Variants in CEP97 observed in about 807,000 individuals in gnomAD.
The protein encoded by CEP97 is centrosomal protein of 97 kDa.
CEP97 carries 43 observed loss-of-function variants against 73.1 expected under a neutral mutation model. The observed-to-expected ratio is 0.59, with a 90% CI of 0.46 to 0.76. The LOEUF is 0.76. CEP97 is among the 30% of genes least tolerant of loss of function. The probability of loss-of-function intolerance (pLI) is 0.00; values close to 1 mark genes in which losing one functional copy is unlikely to be tolerated. For synonymous variants in CEP97, 337 were observed against 370.0 expected (o/e 0.91, Z 1.02); for missense variants, 939 against 1,014.0 (o/e 0.93, Z 1.00).
chr3:101,755,298 GA>G lies in CEP97; in HGVS notation c.729-131del, dbSNP rs762835902. On this transcript the variant is annotated intron_variant, in intron 6 of 10. Transcript: ENST00000341893. The stretch of plus-strand genomic sequence containing the variant: ...GAATGATAGATTTTTTAAAAAAATT[GA>G]GTGAATTTTATTTATGAAAAACATA... The G allele has an allele frequency of 4.6e-5, 35 of 759,070 alleles. No individual in the cohort carries two copies. In the South Asian group the frequency reaches 6.6e-4, roughly 14 times the overall value. The allele number at this position is 759,070 out of a possible 1,614,324, so 47.0% of individuals were successfully genotyped here.
Position 101,765,370 on chromosome 3 carries a change from C to T in CEP97, c.2417C>T (p.Pro806Leu). 1 of 1,614,162 alleles carries T rather than the reference C, an allele frequency of 6.2e-7. No individual in the cohort carries two copies. Residue 806 changes from proline to leucine, a missense_variant, in exon 11 of 11, where the codon CCA (proline) becomes CTA (leucine). Transcript: ENST00000341893. ...RDSKLHIACF[P>L]VQLDTLSDGA... ...AGCAAACTTCACATTGCTTGTTTCC[C>T]AGTACAGTTAGATACATTGTCTGAC...
At chr3:101,754,532 A>G (rs1203245875) in intron 6 of CEP97, among the ~76,000 whole-genome samples, 1 of 152,130 alleles carries the variant, frequency 6.6e-6, no homozygotes, top group African/African-American at 2.4e-5. Flanking sequence ...TTATTATGGC[A>G]TACTCTGTAG....
At position 101,768,665 on chromosome 3, in the gene CEP97, CCT is replaced by C. The variant is rs1939377898; in HGVS notation, c.*3119_*3120del. 2 of 152,110 alleles carry C rather than the reference CCT, an allele frequency of 1.3e-5. No individual in the cohort carries two copies. Among genetic ancestry groups the C allele is most frequent in the East Asian group, 1.9e-4 (1 of 5,192 alleles). 9.4% of individuals were successfully genotyped at this position (152,110 alleles called of 1,614,324 possible). A position where few individuals can be genotyped will look rare whatever the true frequency, so the allele number is the denominator to read the frequency against. On this transcript the variant is annotated 3_prime_UTR_variant, in exon 11 of 11. Transcript: ENST00000341893. ...AGCCTGGACAACATAGCAAGACCCCCCTCTCTACAAAAAAAATTTTTTTCTGA... is the reference window on the plus strand; with the variant it reads ...AGCCTGGACAACATAGCAAGACCCCCCTCTACAAAAAAAATTTTTTTCTGA...
At position 101,744,301 on chromosome 3, in the gene CEP97, A is replaced by T. The variant is rs61356619; in HGVS notation, c.729-11129A>T. On this transcript the variant is annotated intron_variant, in intron 6 of 10. Coordinates refer to ENST00000341893, the MANE Select transcript of CEP97 (RefSeq NM_024548.4). ...GAGTTCTCAAAAAAAGAAAAAAAAAAGGGTCAGCACATTGGTTCATGCCTG... is the reference window on the plus strand; with the variant it reads ...GAGTTCTCAAAAAAAGAAAAAAAAATGGGTCAGCACATTGGTTCATGCCTG... 3.2e-3 allele frequency among the ~76,000 whole-genome samples: 491 copies of T among 152,054 alleles called. 2 individuals carry two copies. The highest frequency in any genetic ancestry group is 0.011 in the African/African-American group (456 of 41,474).
At chr3:101,749,141 C>T (rs1938720291) in intron 6 of CEP97, among the ~76,000 whole-genome samples, 1 of 105,378 alleles carries the variant, frequency 9.5e-6, no homozygotes, top group Non-Finnish European at 1.9e-5. Flanking sequence ...CTATCCCTCC[C>T]CCCTCCCCCC....
chr3:101,743,388 T>C (rs185062139), intron 6 of CEP97, among the ~76,000 whole-genome samples: 1 of 152,096 alleles, frequency 6.6e-6, no homozygotes, highest in East Asian at 1.9e-4. Flanking sequence ...CAGTTTCTCC[T>C]AGAAAAAATA....
intron 6 of CEP97, among the ~76,000 whole-genome samples, chr3:101,741,861 G>A (rs531517928): frequency 4.6e-5 from 7 of 152,126 alleles, no homozygotes; most frequent in Admixed American, 1.3e-4. Flanking sequence ...CCAACATGGT[G>A]AAACCCCATC....
chr3:101,743,343 A>AT (rs200525264), intron 6 of CEP97, among the ~76,000 whole-genome samples: 42 of 150,056 alleles, frequency 2.8e-4, no homozygotes, highest in South Asian at 2.1e-4. Flanking sequence ...TAATTTAGAA[A>AT]TTTTTTTTTT....
chr3:101,750,273 T>G (rs1324413429), intron 6 of CEP97, among the ~76,000 whole-genome samples: 1 of 148,764 alleles, frequency 6.7e-6, no homozygotes, highest in African/African-American at 2.5e-5. Flanking sequence ...ATTGCTTGTT[T>G]TTCTCAGGTT....
In CEP97 at chr3:101,768,120, T is replaced by C. The variant is rs1420093653; in HGVS notation, c.*2569T>C. 6.6e-6 allele frequency: 1 copy of C among 152,172 alleles called. No homozygotes were observed. The highest frequency in any genetic ancestry group is 2.4e-5 in the African/African-American group (1 of 41,440). The allele number at this position is 152,172 out of a possible 1,614,324, so 9.4% of individuals were successfully genotyped here. A position where few individuals can be genotyped will look rare whatever the true frequency, so the allele number is the denominator to read the frequency against. ...CTCTTGATTTATGGAAGATTCAGTTTATCAATTAAGAATTCCTGCAGAAGC... is the reference window on the plus strand; with the variant it reads ...CTCTTGATTTATGGAAGATTCAGTTCATCAATTAAGAATTCCTGCAGAAGC... On this transcript the variant is annotated 3_prime_UTR_variant, in exon 11 of 11. Coordinates refer to ENST00000341893, the MANE Select transcript of CEP97 (RefSeq NM_024548.4).
At position 101,758,375 on chromosome 3, in the gene CEP97, T is replaced by A. The variant is rs1396446025; in HGVS notation, c.1769T>A (p.Leu590Gln). ...AAAGATGTGCGTTACGAAATCCGGC[T>A]ACGCAGAATGCAAGAGCACATTGTC... ...QAKDVRYEIR[L>Q]RRMQEHIVCL... The change falls in exon 9 of 11, where the codon CTA becomes CAA. Residue 590 changes from leucine (L) to glutamine (Q), a missense_variant. Physicochemically the swap from Leu to Gln is moderately radical, Grantham distance 113 (BLOSUM62 -2). Transcript: ENST00000341893. 6.2e-7 allele frequency: 1 copy of A among 1,614,198 alleles called. No homozygotes were observed. Among genetic ancestry groups the A allele is most frequent in the Non-Finnish European group, 8.5e-7 (1 of 1,180,032 alleles).
At chr3:101,736,565 G>A (rs1467308601) in intron 6 of CEP97, among the ~76,000 whole-genome samples, 1 of 152,228 alleles carries the variant, frequency 6.6e-6, no homozygotes, top group Non-Finnish European at 1.5e-5. Context: ...AACAGGTAGT[G>A]GATGTCCAGC....
chr3:101,765,283 C>T lies in CEP97; in HGVS notation c.2330C>T (p.Thr777Ile), dbSNP rs1939284965. ...QDNSLLEQYL[T>I]SVQQLEDADE... is the part of the protein sequence containing the mutation. ...AATAGTCTGCTTGAACAGTATTTAACTTCAGTTCAACAGCTGGAAGATGCT... is the reference window on the plus strand; with the variant it reads ...AATAGTCTGCTTGAACAGTATTTAATTTCAGTTCAACAGCTGGAAGATGCT... Residue 777 changes from threonine to isoleucine, a missense_variant, in exon 11 of 11, where the codon ACT becomes ATT. Thr to Ile is a moderately conservative substitution (Grantham distance 89). Transcript: ENST00000341893. 3 of 1,614,022 alleles carry T rather than the reference C, an allele frequency of 1.9e-6. No individual in the cohort carries two copies. The highest frequency in any genetic ancestry group is 2.5e-6 in the Non-Finnish European group (3 of 1,180,028).
intron 3 of CEP97, 43 bp downstream of exon 3, chr3:101,727,584 A>C (rs1560007031): frequency 6.5e-7 from 1 of 1,535,780 alleles, no homozygotes; most frequent in Non-Finnish European, 8.8e-7. Context: ...TCTGCGTAAA[A>C]AAAATTCAAG....
chr3:101,761,638 T>A (rs944425866), intron 9 of CEP97, among the ~76,000 whole-genome samples: 5 of 152,140 alleles, frequency 3.3e-5, no homozygotes, highest in African/African-American at 1.2e-4. Flanking sequence ...TAGCTTCCAC[T>A]TCAGAGGGCT....
rs963024840 is a variant in CEP97, at chr3:101,764,887, G to A, written c.1934G>A (p.Arg645His). ...GTTTGGCAACAGACAGTGGACCAGCGTCTAAGTTCCTGGCATACTGATGTT... is the reference window on the plus strand; with the variant it reads ...GTTTGGCAACAGACAGTGGACCAGCATCTAAGTTCCTGGCATACTGATGTT... ...LQVWQQTVDQ[R>H]LSSWHTDVPP... Residue 645 changes from arginine (R) to histidine (H), a missense_variant, in exon 11 of 11, where the codon CGT becomes CAT. Coordinates refer to ENST00000341893, the MANE Select transcript of CEP97 (RefSeq NM_024548.4). The A allele has an allele frequency of 2.5e-6, 4 of 1,613,582 alleles. No homozygotes were observed. The highest frequency in any genetic ancestry group is 1.1e-5 in the South Asian group (1 of 90,950).
At chr3:101,725,677 G>C (rs925820124) in intron 1 of CEP97, among the ~76,000 whole-genome samples, 32 of 152,234 alleles carry the variant, frequency 2.1e-4, no homozygotes, top group African/African-American at 6.3e-4. Context: ...GAGCAATCTG[G>C]CATAATTATT....
At chr3:101,760,872 T>C (rs1252516394) in intron 9 of CEP97, among the ~76,000 whole-genome samples, 2 of 94,348 alleles carry the variant, frequency 2.1e-5, no homozygotes, top group Non-Finnish European at 4.6e-5. Context: ...CTAAAAAAAT[T>C]TTTTTTTGAG....
At position 101,727,483 on chromosome 3, in the gene CEP97, A is replaced by G. The variant is rs750866373; in HGVS notation, c.287A>G (p.Glu96Gly). 1 of 1,613,710 alleles carries G rather than the reference A, an allele frequency of 6.2e-7. No individual in the cohort carries two copies. Among genetic ancestry groups the G allele is most frequent in the Non-Finnish European group, 8.5e-7 (1 of 1,179,754 alleles). ...CCTCATAATAGCATTGGCTGTGTGG[A>G]AGGGCTAAAGGAACTAGTACATCTG... ...NLPHNSIGCV[E>G]GLKELVHLEW... is the part of the protein sequence containing the mutation. The change falls in exon 3 of 11, where the codon GAA becomes GGA. Residue 96 changes from glutamate to glycine, a missense_variant. By Grantham distance (98) the Glu-to-Gly change is moderately conservative (BLOSUM62 -2). Coordinates refer to ENST00000341893, the MANE Select transcript of CEP97 (RefSeq NM_024548.4).
Sources: gnomAD v4.1 joint callset for allele counts (sites outside exome capture counted in the v4.1 genomes callset) on GRCh38, gnomAD v4.1.1 for gene constraint, MANE v1.5 for transcripts, NCBI Gene and HGNC (gene_info 2026-07-23, HGNC 2026-07-21) for gene names.